Variants in PGPEP1L observed in about 807,000 individuals in gnomAD.
PGPEP1L encodes pyroglutamyl-peptidase 1-like protein.
In PGPEP1L, 7 loss-of-function variants were observed where a neutral mutation model predicts 6.0. The ratio of observed to expected loss-of-function variants is 1.17; its 90% CI spans 0.66 to 2.19. The LOEUF (loss-of-function observed/expected upper bound fraction) is 2.19. Ranked by LOEUF, PGPEP1L falls within the 30% of genes most tolerant of loss-of-function variation. The probability of loss-of-function intolerance (pLI) is 0.00; values close to 1 mark genes in which losing one functional copy is unlikely to be tolerated. For synonymous variants in PGPEP1L, 103 were observed against 83.9 expected (o/e 1.23, Z -1.24); for missense variants, 209 against 192.5 (o/e 1.09, Z -0.51).
chr15:99,005,748 T>C (rs1172887271), intron 1 of PGPEP1L, 92 bp from the exon 2 acceptor site: 1 of 152,420 alleles, frequency 6.6e-6, no homozygotes, highest in Non-Finnish European at 1.5e-5. Flanking sequence ...TTTCTGGACA[T>C]TTGAGTCTGG....
chr15:99,002,912 C>A (rs1385368952), intron 2 of PGPEP1L, among the ~76,000 whole-genome samples: 12 of 152,194 alleles, frequency 7.9e-5, no homozygotes, highest in Admixed American at 7.2e-4. Flanking sequence ...AAATGTCAGT[C>A]TCTGAGAACC....
intron 2 of PGPEP1L, among the ~76,000 whole-genome samples, chr15:98,999,219 AATAC>A (rs1405117950): frequency 5.4e-5 from 8 of 147,060 alleles, no homozygotes; most frequent in Non-Finnish European, 1.0e-4. Flanking sequence ...TTGTATATAA[AATAC>A]ATAAAGAACT....
At chr15:98,984,136 A>G (rs1463328379) in intron 2 of PGPEP1L, among the ~76,000 whole-genome samples, 1 of 150,012 alleles carries the variant, frequency 6.7e-6, no homozygotes. Flanking sequence ...TCAGCCTCCC[A>G]AGTAGCTGGG....
chr15:98,999,448 TGAG>T (rs2017930050), intron 2 of PGPEP1L, among the ~76,000 whole-genome samples: 1 of 152,192 alleles, frequency 6.6e-6, no homozygotes, highest in African/African-American at 2.4e-5. Flanking sequence ...TTGGCAAGGA[TGAG>T]GAGAAACTAG....
intron 2 of PGPEP1L, among the ~76,000 whole-genome samples, chr15:98,992,148 G>A (rs781931736): frequency 6.6e-6 from 1 of 152,194 alleles, no homozygotes; most frequent in South Asian, 2.1e-4. Flanking sequence ...AGGAAGAGAA[G>A]AAGTCAAATT....
intron 2 of PGPEP1L, among the ~76,000 whole-genome samples, chr15:98,998,497 C>A (rs561747576): frequency 6.6e-6 from 1 of 152,310 alleles, no homozygotes; most frequent in African/African-American, 2.4e-5. Context: ...CTGGAATAGA[C>A]CCACATGAAT....
At chr15:98,994,834 T>C (rs1421044851) in intron 2 of PGPEP1L, among the ~76,000 whole-genome samples, 1 of 152,252 alleles carries the variant, frequency 6.6e-6, no homozygotes, top group African/African-American at 2.4e-5. Flanking sequence ...ACAATTTTGC[T>C]GGGTACACAA....
At chr15:98,987,780 G>C (rs1555471664) in intron 2 of PGPEP1L, among the ~76,000 whole-genome samples, 1 of 152,112 alleles carries the variant, frequency 6.6e-6, no homozygotes, top group Non-Finnish European at 1.5e-5. Flanking sequence ...TCCAACTGAG[G>C]TACCCAGTTC....
intron 2 of PGPEP1L, among the ~76,000 whole-genome samples, chr15:98,995,506 T>G (rs942850770): frequency 3.3e-5 from 5 of 152,208 alleles, no homozygotes; most frequent in Admixed American, 2.6e-4. Context: ...GAGACCAGCC[T>G]GGCCAACATA....
At chr15:98,973,927 A>T (rs28788784) in intron 2 of PGPEP1L, among the ~76,000 whole-genome samples, 21,873 of 152,192 alleles carry the variant, frequency 0.14, 2,156 homozygotes, top group East Asian at 0.39. Flanking sequence ...GGTTTTGGGA[A>T]CAAACAGAAT....
intron 2 of PGPEP1L, among the ~76,000 whole-genome samples, chr15:98,972,051 C>T (rs896115099): frequency 6.6e-6 from 1 of 152,074 alleles, no homozygotes; most frequent in Non-Finnish European, 1.5e-5. Context: ...GTTAGAGATA[C>T]ATTAAAAATA....
At chr15:99,004,060 T>C (rs1460901055) in intron 2 of PGPEP1L, among the ~76,000 whole-genome samples, 4 of 147,352 alleles carry the variant, frequency 2.7e-5, no homozygotes, top group Admixed American at 1.3e-4. Context: ...AAACCCTGCC[T>C]CTTCATCCAA....
In PGPEP1L at chr15:99,007,623, G is replaced by A. The variant is rs2018101457; in HGVS notation, c.-634C>T. ...TGTTTGGAGTTATTCGTTTCTCCCGGTGGGTCCGTGATGTGGCTGGCTTTA... is the reference window on the plus strand; with the variant it reads ...TGTTTGGAGTTATTCGTTTCTCCCGATGGGTCCGTGATGTGGCTGGCTTTA... On this transcript the variant is annotated 5_prime_UTR_variant, in exon 1 of 5. Transcript: ENST00000535714. 1 of 152,086 alleles carries A rather than the reference G, an allele frequency of 6.6e-6. No individual in the cohort carries two copies. The allele number at this position is 152,086 out of a possible 1,614,324, so 9.4% of individuals were successfully genotyped here.
In PGPEP1L at chr15:98,968,594, G is replaced by A. The variant is rs1229338056; in HGVS notation, c.313C>T (p.Leu105=). Residue 105 remains leucine, a synonymous_variant, in exon 5 of 5, where the codon CTG becomes TTG. Transcript: ENST00000535714. ...PLSRGLPASL[L]GRALRVIIQE... ...ATGATGACTCTCAAGGCTCTTCCCAGCAGGCTGGCCGGGAGCCCGCGCGAT... is the reference window on the plus strand; with the variant it reads ...ATGATGACTCTCAAGGCTCTTCCCAACAGGCTGGCCGGGAGCCCGCGCGAT... The A allele has an allele frequency of 6.2e-7, 1 of 1,610,900 alleles. No individual in the cohort carries two copies. Among genetic ancestry groups the A allele is most frequent in the Non-Finnish European group, 8.5e-7 (1 of 1,178,708 alleles).
intron 2 of PGPEP1L, among the ~76,000 whole-genome samples, chr15:98,991,362 A>C (rs1458073193): frequency 6.6e-6 from 1 of 152,220 alleles, no homozygotes; most frequent in Non-Finnish European, 1.5e-5. Flanking sequence ...ATATAGAAGA[A>C]ATGGATAAAT....
chr15:99,004,193 G>A lies in PGPEP1L; in HGVS notation c.-142+1236C>T, dbSNP rs1237263410. Reference sequence around the variant, plus strand: ...CAAGGCGGGAGGATCACTTCAGCCCGGGAGTTAGAGACCAGTCTGGGGAAT... The same window carrying A: ...CAAGGCGGGAGGATCACTTCAGCCCAGGAGTTAGAGACCAGTCTGGGGAAT... On this transcript the variant is annotated intron_variant, in intron 2 of 4. Coordinates refer to ENST00000535714, the MANE Select transcript of PGPEP1L (RefSeq NM_001167902.2). Among the ~76,000 whole-genome samples, 10 of 150,256 alleles carry A rather than the reference G, an allele frequency of 6.7e-5. No homozygotes were observed. The East Asian group carries it at 1.2e-3, about 18-fold the overall frequency.
intron 2 of PGPEP1L, among the ~76,000 whole-genome samples, chr15:98,996,664 C>T (rs1441712389): frequency 6.6e-6 from 1 of 151,996 alleles, no homozygotes; most frequent in Non-Finnish European, 1.5e-5. Context: ...TATATGCATG[C>T]ACGTGTGTAT....
At chr15:98,991,506 C>A (rs376002559) in intron 2 of PGPEP1L, among the ~76,000 whole-genome samples, 1 of 152,158 alleles carries the variant, frequency 6.6e-6, no homozygotes, top group East Asian at 1.9e-4. Flanking sequence ...CAGATGGATT[C>A]ATGGCCGAAT....
chr15:98,980,916 C>A (rs937522631), intron 2 of PGPEP1L, among the ~76,000 whole-genome samples: 1 of 146,020 alleles, frequency 6.8e-6, no homozygotes, highest in African/African-American at 2.5e-5. Flanking sequence ...CTCAGTGACA[C>A]AGAGAGACTC....
Sources: gnomAD v4.1 joint callset for allele counts (sites outside exome capture counted in the v4.1 genomes callset) on GRCh38, gnomAD v4.1.1 for gene constraint, MANE v1.5 for transcripts, NCBI Gene and HGNC (gene_info 2026-07-23, HGNC 2026-07-21) for gene names.